PAFAH1B1: variants seen among roughly 807,000 people sequenced by gnomAD.
PAFAH1B1 encodes the protein platelet activating factor acetylhydrolase 1b regulatory subunit 1.
PAFAH1B1 carries 2 observed loss-of-function variants against 57.5 expected under a neutral mutation model. The ratio of observed to expected loss-of-function variants is 0.03; its 90% confidence interval spans 0.01 to 0.11. The LOEUF (loss-of-function observed/expected upper bound fraction) is 0.11, where lower values mean the gene tolerates loss of function less well. PAFAH1B1 is among the 10% of genes least tolerant of loss of function. PAFAH1B1 has a pLI of 1.00. For synonymous variants in PAFAH1B1, 152 were observed against 169.6 expected (o/e 0.90, Z 0.81); for missense variants, 257 against 512.0 (o/e 0.50, Z 4.81).
intron 1 of PAFAH1B1, among the ~76,000 whole-genome samples, chr17:2,599,971 C>CTT (rs34442256): frequency 0.03 from 2,519 of 82,608 alleles, 50 homozygotes; most frequent in African/African-American, 0.049. Flanking sequence ...CATTTTTAAC[C>CTT]TTTTTTTTTT....
intron 1 of PAFAH1B1, among the ~76,000 whole-genome samples, chr17:2,620,521 G>GT (rs1286687849): frequency 2.6e-5 from 4 of 152,144 alleles, no homozygotes; most frequent in Non-Finnish European, 5.9e-5. Context: ...TGTCTGTGCT[G>GT]TTTAAGTTTT....
At chr17:2,657,795 A>C (rs2068956819) in intron 2 of PAFAH1B1, among the ~76,000 whole-genome samples, 1 of 152,182 alleles carries the variant, frequency 6.6e-6, no homozygotes, top group African/African-American at 2.4e-5. Context: ...CTAGGAGGCA[A>C]GGGACCATAT....
chr17:2,648,937 C>G (rs1053969232), intron 2 of PAFAH1B1, among the ~76,000 whole-genome samples: 1 of 152,068 alleles, frequency 6.6e-6, no homozygotes, highest in Non-Finnish European at 1.5e-5. Context: ...ATTTGAGATT[C>G]CAGCTCATGT....
At chr17:2,679,339 T>C (rs1194063288) in intron 9 of PAFAH1B1, among the ~76,000 whole-genome samples, 4 of 151,546 alleles carry the variant, frequency 2.6e-5, no homozygotes, top group Non-Finnish European at 5.9e-5. Flanking sequence ...GATGGATAGA[T>C]GGATGGATGA....
chr17:2,595,489 A>T (rs1350340489), intron 1 of PAFAH1B1, among the ~76,000 whole-genome samples: 1 of 150,390 alleles, frequency 6.6e-6, no homozygotes, highest in Non-Finnish European at 1.5e-5. Flanking sequence ...TAATCAGGAA[A>T]ATTTCCTGTT....
intron 1 of PAFAH1B1, among the ~76,000 whole-genome samples, chr17:2,623,311 C>T (rs1353223946): frequency 7.5e-5 from 11 of 147,618 alleles, no homozygotes; most frequent in Non-Finnish European, 1.3e-4. Context: ...ACTCTGTCGC[C>T]CGGGCTGGAG....
At chr17:2,601,415 G>T (rs923955806) in intron 1 of PAFAH1B1, among the ~76,000 whole-genome samples, 4 of 151,436 alleles carry the variant, frequency 2.6e-5, no homozygotes, top group Non-Finnish European at 5.9e-5. Flanking sequence ...GTACAGGCAT[G>T]AGCCACCGTG....
chr17:2,617,394 G>C (rs1012915742), intron 1 of PAFAH1B1, among the ~76,000 whole-genome samples: 1 of 152,166 alleles, frequency 6.6e-6, no homozygotes. Flanking sequence ...ATGAAGTATA[G>C]TGGTTAGCTG....
At chr17:2,595,716 T>G (rs1597504027) in intron 1 of PAFAH1B1, among the ~76,000 whole-genome samples, 2 of 152,184 alleles carry the variant, frequency 1.3e-5, no homozygotes, top group Admixed American at 6.5e-5. Flanking sequence ...TGATCATTGT[T>G]TGGATTGCTC....
intron 1 of PAFAH1B1, among the ~76,000 whole-genome samples, chr17:2,604,867 CATAA>C (rs2068187932): frequency 6.6e-6 from 1 of 151,986 alleles, no homozygotes; most frequent in South Asian, 2.1e-4. Flanking sequence ...GGAACAGCAA[CATAA>C]ATAGTCACAG....
intron 1 of PAFAH1B1, among the ~76,000 whole-genome samples, chr17:2,612,918 G>C (rs1271938033): frequency 6.6e-6 from 1 of 151,730 alleles, no homozygotes; most frequent in East Asian, 1.9e-4. Flanking sequence ...CCTGCCACCT[G>C]ATTTTGTACC....
intron 1 of PAFAH1B1, chr17:2,614,021 G>GTTGTT (rs1555521514): frequency 1.0e-5 from 1 of 96,974 alleles, no homozygotes; most frequent in Non-Finnish European, 1.8e-5. Flanking sequence ...TATATATTGG[G>GTTGTT]TTTTTTTTTT....
At chr17:2,654,190 CTTT>C (rs34079979) in intron 2 of PAFAH1B1, among the ~76,000 whole-genome samples, 35 of 136,106 alleles carry the variant, frequency 2.6e-4, no homozygotes, top group Non-Finnish European at 2.7e-4. Context: ...TCTTTTAAAC[CTTT>C]TTTTTTTTTT....
chr17:2,678,086 G>T (rs1172443072), intron 9 of PAFAH1B1, among the ~76,000 whole-genome samples: 2 of 150,910 alleles, frequency 1.3e-5, no homozygotes, highest in Non-Finnish European at 3.0e-5. Flanking sequence ...GTGAAACCCC[G>T]TCTCTACTAA....
chr17:2,663,840 G>A (rs754370199), intron 2 of PAFAH1B1, among the ~76,000 whole-genome samples: 5 of 151,912 alleles, frequency 3.3e-5, no homozygotes, highest in South Asian at 2.1e-4. Flanking sequence ...GACTACAGGC[G>A]CATACCACCA....
At chr17:2,626,375 T>C (rs2068490692) in intron 1 of PAFAH1B1, among the ~76,000 whole-genome samples, 1 of 152,198 alleles carries the variant, frequency 6.6e-6, no homozygotes, top group Non-Finnish European at 1.5e-5. Context: ...ATCATATACT[T>C]GTGCTTTCTG....
intron 2 of PAFAH1B1, among the ~76,000 whole-genome samples, chr17:2,659,946 A>T (rs2068992882): frequency 6.6e-6 from 1 of 152,206 alleles, no homozygotes; most frequent in Non-Finnish European, 1.5e-5. Context: ...AATTTTAATC[A>T]CATTCTCTCC....
In PAFAH1B1 at chr17:2,666,799, C is replaced by G. The variant is rs558288863; in HGVS notation, c.193-193C>G. ...CTGAATTTTTCTCAATTTTTAGTTT[C>G]CTCACATGACTTAGATTTTGATGCT... On this transcript the variant is annotated intron_variant, in intron 4 of 10. Transcript: ENST00000397195. Among the ~76,000 whole-genome samples, 69 of 152,218 alleles carry G rather than the reference C, an allele frequency of 4.5e-4. 1 individual carries two copies. In the Middle Eastern group the frequency reaches 0.044, roughly 98 times the overall value.
intron 1 of PAFAH1B1, 100 bp downstream of exon 1, chr17:2,594,106 C>A: frequency 2.5e-6 from 1 of 395,340 alleles, no homozygotes; most frequent in Non-Finnish European, 4.5e-6. Flanking sequence ...CTGCGCCGGT[C>A]CCCTCCCTCC....
Sources: gnomAD v4.1 joint callset for allele counts (sites outside exome capture counted in the v4.1 genomes callset) on GRCh38, gnomAD v4.1.1 for gene constraint, MANE v1.5 for transcripts, NCBI Gene and HGNC (gene_info 2026-07-23, HGNC 2026-07-21) for gene names.